The following CCSER1 variants were observed in gnomAD, a reference collection of about 807,000 sequenced individuals.
CCSER1 encodes the protein coiled-coil serine rich protein 1, also known as serine-rich coiled-coil domain-containing protein 1.
Under a neutral mutation model 82.0 loss-of-function variants are expected in CCSER1, and 41 were observed. That is an observed-to-expected ratio of 0.50 (90% CI 0.39 to 0.65). The LOEUF (loss-of-function observed/expected upper bound fraction) is 0.65, where lower values mean the gene tolerates loss of function less well. Ranked by LOEUF, CCSER1 falls within the 30% of genes least tolerant of loss-of-function variation. The pLI, the probability that CCSER1 is intolerant of heterozygous loss-of-function variation, is 0.00. For missense variants in CCSER1, 1,119 were observed against 1,064.2 expected (o/e 1.05, Z -0.72); for synonymous variants, 414 against 383.9 (o/e 1.08, Z -0.92).
chr4:90,415,357 G>C (rs1755635241), intron 4 of CCSER1, among the ~76,000 whole-genome samples: 2 of 152,118 alleles, frequency 1.3e-5, no homozygotes, highest in Admixed American at 6.5e-5. Context: ...CAAAAGCTTG[G>C]AGCCTTATAA....
chr4:90,703,252 G>A (rs1263599210), intron 6 of CCSER1, among the ~76,000 whole-genome samples: 2 of 152,194 alleles, frequency 1.3e-5, no homozygotes, highest in Middle Eastern at 3.2e-3. Flanking sequence ...TTCAGGAGCA[G>A]ATTGTTCAGT....
At chr4:91,212,100 G>A (rs1224384562) in intron 10 of CCSER1, among the ~76,000 whole-genome samples, 8 of 151,958 alleles carry the variant, frequency 5.3e-5, no homozygotes, top group East Asian at 3.9e-4. Context: ...AATTATGACC[G>A]TGTTTCTAAA....
At chr4:90,481,623 A>T (rs183513647) in intron 5 of CCSER1, among the ~76,000 whole-genome samples, 33 of 152,300 alleles carry the variant, frequency 2.2e-4, no homozygotes, top group Non-Finnish European at 4.1e-4. Flanking sequence ...ATCTATTGAG[A>T]TAATCATGTG....
At chr4:91,115,841 T>TTTTATATATATA (rs747363416) in intron 10 of CCSER1, among the ~76,000 whole-genome samples, 1 of 115,244 alleles carries the variant, frequency 8.7e-6, no homozygotes, top group African/African-American at 3.8e-5. Flanking sequence ...TTCCATTCTT[T>TTTTATATATATA]TATATATATA....
At chr4:90,723,258 G>A (rs1034204351) in intron 6 of CCSER1, among the ~76,000 whole-genome samples, 2 of 151,798 alleles carry the variant, frequency 1.3e-5, no homozygotes, top group Admixed American at 1.3e-4. Context: ...TCTCATTAAA[G>A]ACGTTTTAAT....
chr4:91,180,276 C>T (rs528757122), intron 10 of CCSER1, among the ~76,000 whole-genome samples: 1 of 152,318 alleles, frequency 6.6e-6, no homozygotes, highest in South Asian at 2.1e-4. Flanking sequence ...CTTGAGGAGG[C>T]AATCTGTCCA....
chr4:90,640,574 G>A (rs571888720), intron 6 of CCSER1, among the ~76,000 whole-genome samples: 16 of 152,098 alleles, frequency 1.1e-4, no homozygotes, highest in East Asian at 1.9e-4. Flanking sequence ...TAGGCTTTAC[G>A]TCCCCACCCA....
In CCSER1 at chr4:91,083,065, A is replaced by T. The variant is rs139488683; in HGVS notation, c.2173-2885A>T. ...ACCCAGCCATCCCATTACTGGGCAT[A>T]TACTCAAAATATTATAAATCATGCT... On this transcript the variant is annotated intron_variant, in intron 9 of 10. Transcript: ENST00000509176. Among the ~76,000 whole-genome samples, 3 of 152,204 alleles carry T rather than the reference A, an allele frequency of 2.0e-5. 1 individual carries two copies. The highest frequency in any genetic ancestry group is 4.4e-5 in the Non-Finnish European group (3 of 68,038).
intron 10 of CCSER1, among the ~76,000 whole-genome samples, chr4:91,378,186 T>C (rs1445657083): frequency 1.3e-5 from 2 of 152,178 alleles, no homozygotes; most frequent in Non-Finnish European, 2.9e-5. Flanking sequence ...GGTAGCGTGA[T>C]GCCTCCAACT....
chr4:90,256,734 T>C (rs1040745100), intron 1 of CCSER1, among the ~76,000 whole-genome samples: 3 of 152,154 alleles, frequency 2.0e-5, no homozygotes, highest in Admixed American at 6.6e-5. Context: ...GGGTCACTGA[T>C]CATTTTATTT....
intron 10 of CCSER1, among the ~76,000 whole-genome samples, chr4:91,392,665 A>C (rs1751736820): frequency 6.6e-6 from 1 of 152,138 alleles, no homozygotes; most frequent in African/African-American, 2.4e-5. Flanking sequence ...TAAAACATGC[A>C]CATTTTTTGA....
intron 8 of CCSER1, among the ~76,000 whole-genome samples, chr4:90,900,027 A>G (rs1724366707): frequency 6.7e-6 from 1 of 149,636 alleles, no homozygotes; most frequent in African/African-American, 2.4e-5. Context: ...GATTGGTACC[A>G]GATCTTCTTT....
intron 3 of CCSER1, among the ~76,000 whole-genome samples, chr4:90,344,582 G>A (rs572620616): frequency 6.6e-6 from 1 of 152,094 alleles, no homozygotes; most frequent in Non-Finnish European, 1.5e-5. Flanking sequence ...TAAACTCCTT[G>A]TAAAGTTGAA....
At position 91,307,361 on chromosome 4, in the gene CCSER1, C is replaced by CGT. The variant is rs34170561; in HGVS notation, c.2217+221367_2217+221368insGT. On this transcript the variant is annotated intron_variant, in intron 10 of 10. Coordinates refer to ENST00000509176, the MANE Select transcript of CCSER1 (RefSeq NM_001145065.2). The stretch of plus-strand genomic sequence containing the variant: ...CCTTTCAAGAACTTTTTCTATGATG[C>CGT]TTTTTTTTCTTTAGTCCCTAGAGAA... Among the ~76,000 whole-genome samples the CGT allele has an allele frequency of 7.9e-5, 12 of 151,558 alleles. No individual in the cohort carries two copies. In the South Asian group the frequency reaches 1.9e-3, roughly 24 times the overall value.
Position 90,248,511 on chromosome 4 carries a change from C to T in CCSER1, c.-41-59733C>T, listed in dbSNP as rs573887652. ...ATCAGTATGTAGAGAGCTTCAAAAG[C>T]TTGGGCACTTAACACTAACCTTCTG... On this transcript the variant is annotated intron_variant, in intron 1 of 10. Coordinates refer to ENST00000509176, the MANE Select transcript of CCSER1 (RefSeq NM_001145065.2). Among the ~76,000 whole-genome samples the T allele has an allele frequency of 6.6e-5, 10 of 152,230 alleles. No individual in the cohort carries two copies. The East Asian group carries it at 1.9e-3, about 29-fold the overall frequency.
At chr4:90,532,546 T>C (rs999716649) in intron 5 of CCSER1, among the ~76,000 whole-genome samples, 3 of 152,042 alleles carry the variant, frequency 2.0e-5, no homozygotes, top group Admixed American at 1.3e-4. Context: ...AAGGGACAAA[T>C]AGTAATTATC....
At chr4:91,436,586 G>A (rs1199599453) in intron 10 of CCSER1, among the ~76,000 whole-genome samples, 1 of 152,206 alleles carries the variant, frequency 6.6e-6, no homozygotes, top group East Asian at 1.9e-4. Flanking sequence ...TAGATTTACA[G>A]TATACATAAT....
chr4:91,515,045 A>G (rs1760029701), intron 10 of CCSER1, among the ~76,000 whole-genome samples: 1 of 152,146 alleles, frequency 6.6e-6, no homozygotes, highest in South Asian at 2.1e-4. Flanking sequence ...TTTACCACAT[A>G]TTGAGTACTA....
At chr4:91,229,659 A>G (rs1439463405) in intron 10 of CCSER1, among the ~76,000 whole-genome samples, 1 of 152,300 alleles carries the variant, frequency 6.6e-6, no homozygotes, top group Non-Finnish European at 1.5e-5. Context: ...GCACCTGTAA[A>G]AAAGAATGAG....
Sources: gnomAD v4.1 joint callset for allele counts (sites outside exome capture counted in the v4.1 genomes callset) on GRCh38, gnomAD v4.1.1 for gene constraint, MANE v1.5 for transcripts, NCBI Gene and HGNC (gene_info 2026-07-23, HGNC 2026-07-21) for gene names.